Variants in C1QL1 observed in about 807,000 individuals in gnomAD.
The protein encoded by C1QL1 is C1q-related factor.
In C1QL1, 15 loss-of-function variants were observed where a neutral mutation model predicts 14.2. That is an observed-to-expected ratio of 1.06 (90% confidence interval 0.71 to 1.62). The LOEUF (loss-of-function observed/expected upper bound fraction) is 1.62. Ranked by LOEUF, C1QL1 falls within the 40% of genes most tolerant of loss-of-function variation. The probability of loss-of-function intolerance (pLI) is 0.00; values close to 1 mark genes in which losing one functional copy is unlikely to be tolerated. For synonymous variants in C1QL1, 172 were observed against 172.4 expected, an observed-to-expected ratio of 1.00 and a Z score of 0.02; for missense variants, 346 against 380.3, an observed-to-expected ratio of 0.91 and a Z score of 0.75.
At position 44,966,350 on chromosome 17, in the gene C1QL1, CA is replaced by C. The variant is rs759200115; in HGVS notation, c.597+1101del. Among the ~76,000 whole-genome samples the C allele has an allele frequency of 3.3e-5, 5 of 152,346 alleles. No homozygotes were observed. The East Asian group carries it at 5.8e-4, about 18-fold the overall frequency. On this transcript the variant is annotated intron_variant, in intron 1 of 1. Coordinates refer to ENST00000253407, the MANE Select transcript of C1QL1 (RefSeq NM_006688.5). ...AGTGCTGCTGTGGGAAGGGTTCCAA[CA>C]AGGTCTTGTATCTTAATCGTGAGAG... is the stretch of plus-strand genomic sequence containing the variant.
intron 1 of C1QL1, among the ~76,000 whole-genome samples, chr17:44,961,920 G>A (rs1309881418): frequency 6.6e-6 from 1 of 151,034 alleles, no homozygotes; most frequent in Non-Finnish European, 1.5e-5. Flanking sequence ...AAGAGAGAGA[G>A]AGAGAGAGAG....
intron 1 of C1QL1, among the ~76,000 whole-genome samples, chr17:44,962,174 C>T (rs907170614): frequency 6.6e-6 from 1 of 152,130 alleles, no homozygotes. Context: ...GCTTACCATC[C>T]CAACTCCCAG....
intron 1 of C1QL1, among the ~76,000 whole-genome samples, chr17:44,964,852 T>TC (rs397691097): frequency 3.4e-5 from 5 of 145,758 alleles, no homozygotes; most frequent in South Asian, 2.2e-4. Context: ...TCTTTTCTTT[T>TC]TTTTTTGAGA....
At position 44,967,578 on chromosome 17, in the gene C1QL1, G is replaced by A; in HGVS notation, c.471C>T (p.Asn157=). The A allele has an allele frequency of 1.9e-6, 3 of 1,614,118 alleles. No homozygotes were observed. The highest frequency in any genetic ancestry group is 1.7e-6 in the Non-Finnish European group (2 of 1,179,960). The part of the protein sequence containing the change: ...KFDDVVTNLG[N]NYDAASGKFT... The stretch of plus-strand genomic sequence containing the variant: ...ACTTGCCGCTGGCCGCGTCGTAGTT[G>A]TTGCCTAGGTTGGTGACCACGTCGT... The change falls in exon 1 of 2, where the codon AAC becomes AAT. Residue 157 remains asparagine (N), a synonymous_variant. Coordinates refer to ENST00000253407, the MANE Select transcript of C1QL1 (RefSeq NM_006688.5). The surrounding 1 kb of genome is among the most constrained non-coding windows in gnomAD (Gnocchi z 7.0).
At position 44,960,101 on chromosome 17, in the gene C1QL1, G is replaced by A. The variant is rs370243166; in HGVS notation, c.*87C>T. The stretch of plus-strand genomic sequence containing the variant: ...AGCCGGGGAGGGCCGGGCAGCGAGC[G>A]GGTGGGCGAGGGGCGAGTCATCGTC... On this transcript the variant is annotated 3_prime_UTR_variant, in exon 2 of 2. Transcript: ENST00000253407. 1.3e-3 allele frequency: 1,536 copies of A among 1,214,274 alleles called. 10 individuals are homozygous for A. In the African/African-American group the frequency reaches 0.021, roughly 16 times the overall value. 75.2% of individuals were successfully genotyped at this position (1,214,274 alleles called of 1,614,324 possible). A position where few individuals can be genotyped will look rare whatever the true frequency, so the allele number is the denominator to read the frequency against.
At position 44,967,984 on chromosome 17, in the gene C1QL1, T is replaced by A; in HGVS notation, c.65A>T (p.Tyr22Phe). 1 of 1,377,068 alleles carries A rather than the reference T, an allele frequency of 7.3e-7. No homozygotes were observed. The highest frequency in any genetic ancestry group is 1.7e-5 in the South Asian group (1 of 58,844). 85.3% of individuals were successfully genotyped at this position (1,377,068 alleles called of 1,614,324 possible). A position where few individuals can be genotyped will look rare whatever the true frequency, so the allele number is the denominator to read the frequency against. The change falls in exon 1 of 2, where the codon TAT becomes TTT. Residue 22 changes from tyrosine (Y) to phenylalanine (F), a missense_variant. Physicochemically the swap from Tyr to Phe is conservative, Grantham distance 22 (BLOSUM62 3). Transcript: ENST00000253407. This position sits in a 1 kb window ranked among gnomAD's most constrained non-coding sequence, Gnocchi z 7.0. ...LVSSGGPEGH[Y>F]EMLGTCRMVC... ...CATGCGGCAGGTGCCCAGCATCTCATAGTGGCCTTCCGGGCCGCCCGAGCT... is the reference window on the plus strand; with the variant it reads ...CATGCGGCAGGTGCCCAGCATCTCAAAGTGGCCTTCCGGGCCGCCCGAGCT...
At chr17:44,966,369 C>T (rs2052657247) in intron 1 of C1QL1, among the ~76,000 whole-genome samples, 1 of 152,224 alleles carries the variant, frequency 6.6e-6, no homozygotes. Context: ...GTATCTTAAT[C>T]GTGAGAGATT....
intron 1 of C1QL1, among the ~76,000 whole-genome samples, chr17:44,963,125 C>T (rs1027034116): frequency 1.3e-5 from 2 of 152,142 alleles, no homozygotes; most frequent in Non-Finnish European, 2.9e-5. Flanking sequence ...GTATAATCAG[C>T]TCCTCAAGGG....
chr17:44,960,163 G>T lies in C1QL1; in HGVS notation c.*25C>A. ...GAGGGGACCCCGGCGGGTGAGGGAC[G>T]TGGGTGGAGGGAGACGTGGGGAGCT... On this transcript the variant is annotated 3_prime_UTR_variant, in exon 2 of 2. Transcript: ENST00000253407. 1 of 1,609,462 alleles carries T rather than the reference G, an allele frequency of 6.2e-7. No homozygotes were observed.
chr17:44,962,710 TTAC>T (rs1176819672), intron 1 of C1QL1, among the ~76,000 whole-genome samples: 2 of 152,206 alleles, frequency 1.3e-5, no homozygotes, highest in Non-Finnish European at 2.9e-5. Flanking sequence ...TGCTAATAAA[TTAC>T]TACTAATAAC....
Position 44,967,901 on chromosome 17 carries a change from C to A in C1QL1, c.148G>T (p.Asp50Tyr), listed in dbSNP as rs1250359895. ...PGAGARTDGGDALSEQSGAPP... is the reference protein window; with the variant it reads ...PGAGARTDGGYALSEQSGAPP... ...GCGCCGCTCTGCTCGCTCAGGGCGT[C>A]GCCGCCGTCGGTCCGCGCGCCGGCG... The change falls in exon 1 of 2, where the codon GAC becomes TAC. Residue 50 changes from aspartate (D) to tyrosine (Y), a missense_variant. Asp to Tyr is a radical substitution (Grantham distance 160). Transcript: ENST00000253407. This position sits in a 1 kb window ranked among gnomAD's most constrained non-coding sequence, Gnocchi z 7.0. The A allele has an allele frequency of 3.3e-5, 41 of 1,245,344 alleles. No individual in the cohort carries two copies. The highest frequency in any genetic ancestry group is 3.9e-5 in the Non-Finnish European group (39 of 1,000,106). The allele number at this position is 1,245,344 out of a possible 1,614,324, so 77.1% of individuals were successfully genotyped here. A position where few individuals can be genotyped will look rare whatever the true frequency, so the allele number is the denominator to read the frequency against.
At position 44,960,201 on chromosome 17, in the gene C1QL1, A is replaced by G. The variant is rs1047987532; in HGVS notation, c.764T>C (p.Ile255Thr). Reference sequence around the variant, plus strand: ...GACGTGGGGAGCTCAGTCGGAGTAGATGATGAAGCCAGAGAACGTGCTGTA... The same window carrying G: ...GACGTGGGGAGCTCAGTCGGAGTAGGTGATGAAGCCAGAGAACGTGCTGTA... The part of the protein sequence containing the change: ...NKYSTFSGFI[I>T]YSD The change falls in exon 2 of 2, where the codon ATC becomes ACC. Residue 255 changes from isoleucine to threonine, a missense_variant. Coordinates refer to ENST00000253407, the MANE Select transcript of C1QL1 (RefSeq NM_006688.5). 3 of 1,614,064 alleles carry G rather than the reference A, an allele frequency of 1.9e-6. No individual in the cohort carries two copies. Among genetic ancestry groups the G allele is most frequent in the Non-Finnish European group, 2.5e-6 (3 of 1,179,952 alleles).
intron 1 of C1QL1, among the ~76,000 whole-genome samples, chr17:44,961,057 C>T (rs1006870194): frequency 4.6e-5 from 7 of 152,238 alleles, no homozygotes; most frequent in Admixed American, 4.6e-4. Flanking sequence ...CCTGTCACTA[C>T]CCACCCAAAG....
Position 44,964,828 on chromosome 17 carries a change from T to TGTATC in C1QL1, c.597+2623_597+2624insGATAC, listed in dbSNP as rs545757133. Among the ~76,000 whole-genome samples, 7 of 98,786 alleles carry TGTATC rather than the reference T, an allele frequency of 7.1e-5. No individual in the cohort carries two copies. The South Asian group carries it at 2.2e-3, about 31-fold the overall frequency. 64.8% of individuals were successfully genotyped at this position (98,786 alleles called of 152,430 possible). On this transcript the variant is annotated intron_variant, in intron 1 of 1. Transcript: ENST00000253407. ...CTCCTGGTTTTCTTTTCTTTTCGTTTTTATCTTTTCTTTTCTTTTCTTTTT... is the reference window on the plus strand; with the variant it reads ...CTCCTGGTTTTCTTTTCTTTTCGTTTGTATCTTATCTTTTCTTTTCTTTTCTTTTT...
At position 44,967,050 on chromosome 17, in the gene C1QL1, G is replaced by A. The variant is rs1373312623; in HGVS notation, c.597+402C>T. Among the ~76,000 whole-genome samples, 9 of 152,184 alleles carry A rather than the reference G, an allele frequency of 5.9e-5. No individual in the cohort carries two copies. The highest frequency in any genetic ancestry group is 5.9e-4 in the Admixed American group (9 of 15,284). ...CTAGGCGCCCGCGGGCGCGGATGCT[G>A]CTTCTCCCTGTTCCATACGCCAGAG... On this transcript the variant is annotated intron_variant, in intron 1 of 1. Coordinates refer to ENST00000253407, the MANE Select transcript of C1QL1 (RefSeq NM_006688.5). This position sits in a 1 kb window ranked among gnomAD's most constrained non-coding sequence, Gnocchi z 7.0.
In C1QL1 at chr17:44,967,772, C is replaced by G. The variant is rs1232181580; in HGVS notation, c.277G>C (p.Val93Leu). 6.5e-7 allele frequency: 1 copy of G among 1,544,632 alleles called. No homozygotes were observed. Among genetic ancestry groups the G allele is most frequent in the East Asian group, 2.4e-5 (1 of 41,912 alleles). Residue 93 changes from valine to leucine, a missense_variant, in exon 1 of 2, where the codon GTG (valine) becomes CTG (leucine). Val to Leu is a conservative substitution (Grantham distance 32). Transcript: ENST00000253407. The surrounding 1 kb of genome is among the most constrained non-coding windows in gnomAD (Gnocchi z 7.0). ...TCACCCTTCTCCCCCGGCGGCCCCA[C>G]AGGGCCGGGAGGACCTGGGTCCCCG... ...PPGDPGPPGPVGPPGEKGEPG... is the reference protein window; with the variant it reads ...PPGDPGPPGPLGPPGEKGEPG...
rs771070021 is a variant in C1QL1, at chr17:44,967,452, C to T, written c.597G>A (p.Gln199=). The change falls in exon 1 of 2, where the codon CAG becomes CAA. Residue 199 remains glutamine, a splice_region_variant and synonymous_variant. Coordinates refer to ENST00000253407, the MANE Select transcript of C1QL1 (RefSeq NM_006688.5). The surrounding 1 kb of genome is among the most constrained non-coding windows in gnomAD (Gnocchi z 7.0). Reference sequence around the variant, plus strand: ...AGCCCCATGCCCCCGCCTGGCCCACCTGGCCATTCTTGCAGAGGTCTGCCC... The same window carrying T: ...AGCCCCATGCCCCCGCCTGGCCCACTTGGCCATTCTTGCAGAGGTCTGCCC... The part of the protein sequence containing the change: ...SMWADLCKNG[Q]VRASAIAQDA... 3.7e-6 allele frequency: 6 copies of T among 1,613,330 alleles called. No individual in the cohort carries two copies. Among genetic ancestry groups the T allele is most frequent in the Non-Finnish European group, 1.7e-6 (2 of 1,179,754 alleles).
chr17:44,963,548 G>A (rs997036446), intron 1 of C1QL1, among the ~76,000 whole-genome samples: 8 of 151,930 alleles, frequency 5.3e-5, no homozygotes, highest in South Asian at 2.1e-4. Flanking sequence ...TCAGCCTCCC[G>A]AGTAACTGGA....
rs773477235 is a variant in C1QL1, at chr17:44,960,817, T to C, written c.598-450A>G. 2.2e-4 allele frequency among the ~76,000 whole-genome samples: 34 copies of C among 152,234 alleles called. 1 individual carries two copies. Among genetic ancestry groups the C allele is most frequent in the Middle Eastern group, 3.2e-3 (1 of 316 alleles). Reference sequence around the variant, plus strand: ...TTTCAGCCACACCCGCTGGATCTTATGTCAGTGGATGGACACAAGGGCACA... The same window carrying C: ...TTTCAGCCACACCCGCTGGATCTTACGTCAGTGGATGGACACAAGGGCACA... On this transcript the variant is annotated intron_variant, in intron 1 of 1. Transcript: ENST00000253407.
Sources: allele counts gnomAD v4.1 joint callset (sites outside exome capture counted in the v4.1 genomes callset), GRCh38; gene constraint gnomAD v4.1.1; non-coding constraint Gnocchi (gnomAD v3.1); transcripts MANE v1.5; gene names NCBI Gene and HGNC (gene_info 2026-07-23, HGNC 2026-07-21).